DYNC1I1: variants seen among roughly 807,000 people sequenced by gnomAD.
DYNC1I1 encodes cytoplasmic dynein 1 intermediate chain 1.
DYNC1I1 carries 43 observed loss-of-function variants against 86.6 expected under a neutral mutation model. The observed-to-expected ratio is 0.50, with a 90% confidence interval of 0.39 to 0.64. The LOEUF is 0.64. DYNC1I1 is among the 30% of genes least tolerant of loss of function. DYNC1I1 has a pLI of 0.00. For missense variants in DYNC1I1, 604 were observed against 788.8 expected, an observed-to-expected ratio of 0.77 and a Z score of 2.81; for synonymous variants, 262 against 283.7, an observed-to-expected ratio of 0.92 and a Z score of 0.77.
chr7:96,081,986 A>G (rs1790533967), intron 16 of DYNC1I1, among the ~76,000 whole-genome samples: 1 of 152,128 alleles, frequency 6.6e-6, no homozygotes, highest in Non-Finnish European at 1.5e-5. Flanking sequence ...TACTCCTGAT[A>G]CCACAAGCTG....
chr7:96,080,218 T>G, intron 15 of DYNC1I1, 145 bp from the exon 16 acceptor site: 1 of 1,024,646 alleles, frequency 9.8e-7, no homozygotes, highest in South Asian at 2.4e-5. Context: ...CAATGAGCCC[T>G]TTTTCCCCCC....
At chr7:95,908,309 T>A (rs1791229870) in intron 6 of DYNC1I1, among the ~76,000 whole-genome samples, 2 of 152,190 alleles carry the variant, frequency 1.3e-5, no homozygotes, top group Non-Finnish European at 2.9e-5. Context: ...CCACATTTCA[T>A]TCTATAAGCA....
At chr7:95,778,922 C>T (rs1793915886) in intron 1 of DYNC1I1, among the ~76,000 whole-genome samples, 1 of 152,110 alleles carries the variant, frequency 6.6e-6, no homozygotes, top group Non-Finnish European at 1.5e-5. Flanking sequence ...GCCTCAGCCT[C>T]CTAAGTGTTG....
chr7:96,108,698 C>T (rs1791258257), intron 16 of DYNC1I1, among the ~76,000 whole-genome samples: 4 of 151,798 alleles, frequency 2.6e-5, no homozygotes, highest in Non-Finnish European at 5.9e-5. Context: ...CCCGTCTCTA[C>T]TAAAAATACA....
At chr7:95,948,736 C>G (rs1463028173) in intron 6 of DYNC1I1, among the ~76,000 whole-genome samples, 1 of 152,138 alleles carries the variant, frequency 6.6e-6, no homozygotes, top group Non-Finnish European at 1.5e-5. Flanking sequence ...ATAAGTACTT[C>G]CTAATATTCT....
At chr7:95,872,698 C>A (rs573083107) in intron 6 of DYNC1I1, among the ~76,000 whole-genome samples, 3 of 152,144 alleles carry the variant, frequency 2.0e-5, no homozygotes, top group Non-Finnish European at 4.4e-5. Flanking sequence ...CAAGGTTAGA[C>A]CTTCCTTCTC....
chr7:95,930,515 G>C lies in DYNC1I1; in HGVS notation c.491-46997G>C, dbSNP rs138290450. Reference sequence around the variant, plus strand: ...TTTCCTCCCTTTTCTTGAGGAAAGTGTCTAAGGTGGAGGGAGGTCTGGTTG... The same window carrying C: ...TTTCCTCCCTTTTCTTGAGGAAAGTCTCTAAGGTGGAGGGAGGTCTGGTTG... On this transcript the variant is annotated intron_variant, in intron 6 of 16. Transcript: ENST00000447467. Among the ~76,000 whole-genome samples, 449 of 152,316 alleles carry C rather than the reference G, an allele frequency of 2.9e-3. 7 individuals carry two copies. The highest frequency in any genetic ancestry group is 0.01 in the African/African-American group (424 of 41,578).
intron 7 of DYNC1I1, among the ~76,000 whole-genome samples, chr7:95,977,992 A>T: frequency 6.6e-6 from 1 of 152,218 alleles, no homozygotes; most frequent in Non-Finnish European, 1.5e-5. Context: ...ATCTACATAG[A>T]AACATTAATA....
At chr7:95,979,049 C>A (rs1004241682) in intron 7 of DYNC1I1, among the ~76,000 whole-genome samples, 2 of 152,218 alleles carry the variant, frequency 1.3e-5, no homozygotes, top group Non-Finnish European at 1.5e-5. Flanking sequence ...CCGCCTTAGC[C>A]TCCCAAAGTG....
chr7:96,000,464 C>A (rs1793981345), intron 10 of DYNC1I1, among the ~76,000 whole-genome samples: 1 of 152,120 alleles, frequency 6.6e-6, no homozygotes, highest in Admixed American at 6.5e-5. Context: ...ATAAAAGATA[C>A]AACTTACATG....
At chr7:96,036,373 T>A (rs1222121586) in intron 13 of DYNC1I1, among the ~76,000 whole-genome samples, 1 of 152,198 alleles carries the variant, frequency 6.6e-6, no homozygotes, top group African/African-American at 2.4e-5. Flanking sequence ...AGAGTTCATA[T>A]TCTAGTTGAG....
At chr7:96,035,076 T>C (rs1351749385) in intron 12 of DYNC1I1, among the ~76,000 whole-genome samples, 1 of 152,222 alleles carries the variant, frequency 6.6e-6, no homozygotes, top group Non-Finnish European at 1.5e-5. Context: ...ATATTGTTCT[T>C]TTCAGGCTTA....
intron 14 of DYNC1I1, among the ~76,000 whole-genome samples, chr7:96,069,168 G>A (rs985338143): frequency 2.6e-5 from 4 of 152,030 alleles, no homozygotes; most frequent in East Asian, 1.9e-4. Context: ...CCTGATCATC[G>A]TAGATATATA....
chr7:95,822,483 G>A (rs2690286), intron 4 of DYNC1I1, among the ~76,000 whole-genome samples: 79,260 of 151,986 alleles, frequency 0.52, 21,396 homozygotes, highest in African/African-American at 0.67. Context: ...AAATAAGTGA[G>A]TATTTTCCAT....
At chr7:95,793,237 A>T (rs1396814788) in intron 1 of DYNC1I1, among the ~76,000 whole-genome samples, 1 of 152,098 alleles carries the variant, frequency 6.6e-6, no homozygotes. Flanking sequence ...CAAGCTGGTA[A>T]ATATTAGGTG....
intron 6 of DYNC1I1, among the ~76,000 whole-genome samples, chr7:95,888,929 T>C (rs528028316): frequency 6.6e-6 from 1 of 152,300 alleles, no homozygotes; most frequent in African/African-American, 2.4e-5. Flanking sequence ...TGAAGTAACG[T>C]GACACAAGGA....
intron 6 of DYNC1I1, among the ~76,000 whole-genome samples, chr7:95,918,909 T>A (rs982257799): frequency 1.3e-5 from 2 of 152,174 alleles, no homozygotes; most frequent in Non-Finnish European, 2.9e-5. Flanking sequence ...TAATAGACAA[T>A]GTATCAGAAC....
chr7:96,086,804 C>T (rs777155375), intron 16 of DYNC1I1, among the ~76,000 whole-genome samples: 8 of 151,888 alleles, frequency 5.3e-5, no homozygotes, highest in Admixed American at 1.3e-4. Context: ...AAAGCCAAAA[C>T]GAAAAATCAA....
intron 6 of DYNC1I1, among the ~76,000 whole-genome samples, chr7:95,949,179 A>G (rs575362558): frequency 7.9e-5 from 12 of 152,318 alleles, no homozygotes; most frequent in Non-Finnish European, 5.9e-5. Flanking sequence ...AAGGTCAACA[A>G]AAAGGAGAGT....
Sources: allele counts gnomAD v4.1 joint callset (sites outside exome capture counted in the v4.1 genomes callset), GRCh38; gene constraint gnomAD v4.1.1; transcripts MANE v1.5; gene names NCBI Gene and HGNC (gene_info 2026-07-23, HGNC 2026-07-21).